TNNI3K: variants seen among roughly 807,000 people sequenced by gnomAD.
TNNI3K encodes the protein TNNI3 interacting kinase.
A neutral mutation model predicts 114.5 loss-of-function variants in TNNI3K; 140 were observed. The ratio of observed to expected loss-of-function variants is 1.22; its 90% CI spans 1.07 to 1.41. The LOEUF (loss-of-function observed/expected upper bound fraction) is 1.41, where lower values mean the gene tolerates loss of function less well. TNNI3K is among the 40% of genes most tolerant of loss of function. TNNI3K has a pLI of 0.00. For missense variants in TNNI3K, 1,125 were observed against 1,007.6 expected (o/e 1.12, Z -1.58); for synonymous variants, 347 against 347.5 (o/e 1.00, Z 0.02).
chr1:74,488,601 A>G (rs1668884385), intron 21 of TNNI3K, among the ~76,000 whole-genome samples: 1 of 152,202 alleles, frequency 6.6e-6, no homozygotes, highest in South Asian at 2.1e-4. Context: ...AGCTTGAAAT[A>G]TATTTGGAAT....
intron 7 of TNNI3K, among the ~76,000 whole-genome samples, chr1:74,337,447 A>G (rs144233115): frequency 1.3e-5 from 2 of 151,856 alleles, no homozygotes; most frequent in Non-Finnish European, 2.9e-5. Flanking sequence ...CTGAATGGTA[A>G]TGCCTAGGTT....
chr1:74,442,388 T>A (rs1377947216), intron 20 of TNNI3K, among the ~76,000 whole-genome samples: 2 of 152,078 alleles, frequency 1.3e-5, no homozygotes, highest in Non-Finnish European at 2.9e-5. Context: ...AATTAAGTAA[T>A]GTGAATCCTC....
At chr1:74,402,963 C>G (rs1390958370) in intron 17 of TNNI3K, among the ~76,000 whole-genome samples, 1 of 152,152 alleles carries the variant, frequency 6.6e-6, no homozygotes, top group Non-Finnish European at 1.5e-5. Flanking sequence ...TTTAACAACT[C>G]TGTAGTATTC....
At chr1:74,429,566 A>G (rs1189001413) in intron 17 of TNNI3K, among the ~76,000 whole-genome samples, 2 of 152,126 alleles carry the variant, frequency 1.3e-5, no homozygotes, top group Admixed American at 6.5e-5. Flanking sequence ...GTAGTTGCCT[A>G]TGCTGAAGGT....
At chr1:74,472,107 C>T (rs1321283887) in intron 21 of TNNI3K, 2 of 717,000 alleles carry the variant, frequency 2.8e-6, no homozygotes, top group Admixed American at 2.0e-5. Context: ...TTGGAGGCTG[C>T]CATGATTCAT....
At chr1:74,520,053 A>G (rs1209337752) in intron 23 of TNNI3K, among the ~76,000 whole-genome samples, 1 of 152,106 alleles carries the variant, frequency 6.6e-6, no homozygotes, top group African/African-American at 2.4e-5. Flanking sequence ...ATTTGGTTGC[A>G]TGAGTAAGTT....
At chr1:74,497,111 T>C (rs1669367324) in intron 23 of TNNI3K, among the ~76,000 whole-genome samples, 1 of 152,188 alleles carries the variant, frequency 6.6e-6, no homozygotes, top group African/African-American at 2.4e-5. Context: ...ATGCAGTTTA[T>C]AAAAGTTGAA....
chr1:74,505,306 G>C (rs1339334217), intron 23 of TNNI3K, among the ~76,000 whole-genome samples: 3 of 152,170 alleles, frequency 2.0e-5, no homozygotes, highest in African/African-American at 7.2e-5. Flanking sequence ...GCAGCACTGT[G>C]TTCTGTTCAT....
chr1:74,518,895 A>G (rs202185338), intron 23 of TNNI3K, among the ~76,000 whole-genome samples: 2 of 28,008 alleles, frequency 7.1e-5, no homozygotes, highest in African/African-American at 2.2e-4. Context: ...TTTTTTTTTT[A>G]TTATACTCTA....
intron 5 of TNNI3K, among the ~76,000 whole-genome samples, chr1:74,312,031 C>T (rs1182311156): frequency 4.6e-5 from 7 of 152,206 alleles, no homozygotes; most frequent in African/African-American, 1.4e-4. Flanking sequence ...TCTATGAGTT[C>T]TCTGCTCCCT....
chr1:74,536,769 GT>G (rs1557635012), intron 23 of TNNI3K, among the ~76,000 whole-genome samples: 1 of 152,118 alleles, frequency 6.6e-6, no homozygotes, highest in Admixed American at 6.6e-5. Context: ...GACCAGCAAT[GT>G]TGAAATACTT....
chr1:74,332,640 C>A (rs1337189046), intron 6 of TNNI3K, among the ~76,000 whole-genome samples: 1 of 152,012 alleles, frequency 6.6e-6, no homozygotes, highest in African/African-American at 2.4e-5. Context: ...GAAGCTCAGT[C>A]AGGTGAGGTA....
rs200475459 is a variant in TNNI3K at position 74,492,223 on chromosome 1, G to C, written c.2308G>C (p.Glu770Gln). The C allele has an allele frequency of 3.8e-5, 61 of 1,612,446 alleles. No individual in the cohort carries two copies. The highest frequency in any genetic ancestry group is 5.0e-5 in the Admixed American group (3 of 59,992). Reference protein sequence around the residue: ...VAALRSRFELEYALNARSYAA... With the variant: ...VAALRSRFELQYALNARSYAA... ...AGCATTAAGAAGTCGTTTCGAATTG[G>C]AATATGCTCTAAATGCAAGGTCCTA... is the stretch of plus-strand genomic sequence containing the variant. The change falls in exon 23 of 25, where the codon GAA (glutamate) becomes CAA (glutamine). Residue 770 changes from glutamate to glutamine, a missense_variant. Glu to Gln is a conservative substitution (Grantham distance 29). Transcript: ENST00000326637.
chr1:74,369,290 A>G, intron 15 of TNNI3K, 26 bp downstream of exon 15: 1 of 1,611,418 alleles, frequency 6.2e-7, no homozygotes, highest in Non-Finnish European at 8.5e-7. Flanking sequence ...AAAAAATTTA[A>G]CATCCAGGTG....
chr1:74,475,022 C>T (rs2100746354), intron 21 of TNNI3K, among the ~76,000 whole-genome samples: 1 of 151,010 alleles, frequency 6.6e-6, no homozygotes, highest in South Asian at 2.1e-4. Flanking sequence ...CTTTTTTTAA[C>T]ATTGTTAGGT....
chr1:74,309,822 G>A (rs190070680), intron 5 of TNNI3K, among the ~76,000 whole-genome samples: 142 of 152,228 alleles, frequency 9.3e-4, no homozygotes, highest in African/African-American at 3.3e-3. Flanking sequence ...AATAGTAAGA[G>A]CCATCTATGA....
At chr1:74,365,968 G>T (rs555787561) in intron 11 of TNNI3K, among the ~76,000 whole-genome samples, 46 of 148,678 alleles carry the variant, frequency 3.1e-4, no homozygotes, top group African/African-American at 1.1e-3. Context: ...TTTTTTCCTC[G>T]AAGAATCTTA....
intron 17 of TNNI3K, among the ~76,000 whole-genome samples, chr1:74,407,708 G>T (rs934617138): frequency 5.3e-5 from 8 of 152,034 alleles, no homozygotes; most frequent in Non-Finnish European, 7.4e-5. Context: ...GGAGATACCT[G>T]GTCTCTAAAC....
intron 23 of TNNI3K, among the ~76,000 whole-genome samples, chr1:74,492,622 T>A (rs975093844): frequency 6.6e-6 from 1 of 152,174 alleles, no homozygotes; most frequent in Non-Finnish European, 1.5e-5. Flanking sequence ...CAACAGAAGT[T>A]CAGCGTTCTA....
Sources: gnomAD v4.1 joint callset for allele counts (sites outside exome capture counted in the v4.1 genomes callset) on GRCh38, gnomAD v4.1.1 for gene constraint, MANE v1.5 for transcripts, NCBI Gene and HGNC (gene_info 2026-07-23, HGNC 2026-07-21) for gene names.